AGMO: variants seen among roughly 807,000 people sequenced by gnomAD.
AGMO encodes the protein glyceryl-ether monooxygenase.
Under a neutral mutation model 60.2 loss-of-function variants are expected in AGMO, and 75 were observed. That is an observed-to-expected ratio of 1.25 (90% CI 1.03 to 1.51). The LOEUF (loss-of-function observed/expected upper bound fraction) is 1.51, where lower values mean the gene tolerates loss of function less well. AGMO is among the 40% of genes most tolerant of loss of function. The probability of loss-of-function intolerance (pLI) is 0.00; values close to 1 mark genes in which losing one functional copy is unlikely to be tolerated. For missense variants in AGMO, 763 were observed against 525.5 expected (o/e 1.45, Z -4.42); for synonymous variants, 261 against 177.1 (o/e 1.47, Z -3.76).
intron 12 of AGMO, among the ~76,000 whole-genome samples, chr7:15,317,956 A>G (rs5027978): frequency 1.6e-5 from 1 of 63,988 alleles, no homozygotes; most frequent in African/African-American, 3.6e-5. Context: ...CACACACACT[A>G]TATATATATA....
intron 12 of AGMO, among the ~76,000 whole-genome samples, chr7:15,268,109 CT>C (rs1403248334): frequency 6.6e-6 from 1 of 151,890 alleles, no homozygotes; most frequent in Non-Finnish European, 1.5e-5. Context: ...AATTCTGAAT[CT>C]GTAATTGATA....
At chr7:15,337,256 T>A (rs979417687) in intron 12 of AGMO, among the ~76,000 whole-genome samples, 12 of 152,308 alleles carry the variant, frequency 7.9e-5, no homozygotes, top group African/African-American at 2.4e-4. Context: ...AAGACTGGAA[T>A]AATGCAGGAA....
intron 12 of AGMO, among the ~76,000 whole-genome samples, chr7:15,237,261 T>A (rs1292574393): frequency 1.3e-5 from 2 of 152,136 alleles, no homozygotes; most frequent in African/African-American, 4.8e-5. Context: ...TATATGTTCT[T>A]TCTTCTTTGG....
At chr7:15,241,446 T>G (rs1384792908) in intron 12 of AGMO, among the ~76,000 whole-genome samples, 2 of 107,182 alleles carry the variant, frequency 1.9e-5, no homozygotes, top group Non-Finnish European at 3.4e-5. Context: ...GGCGAAAGAG[T>G]GAGACTCCGT....
chr7:15,132,254 T>C, the AGMO span, among the ~76,000 whole-genome samples: 10 of 152,314 alleles, frequency 6.6e-5, no homozygotes, highest in African/African-American at 2.4e-4. Context: ...CAACAACTTA[T>C]TGTTAGCATT....
intron 12 of AGMO, among the ~76,000 whole-genome samples, chr7:15,210,831 G>A (rs961562155): frequency 6.6e-6 from 1 of 151,896 alleles, no homozygotes; most frequent in South Asian, 2.1e-4. Context: ...TTTTAAATTA[G>A]ACCCTTTCAA....
At chr7:15,390,773 T>A (rs776820280) in intron 7 of AGMO, 23 bp from the exon 8 acceptor site, 14 of 1,597,506 alleles carry the variant, frequency 8.8e-6, no homozygotes, top group East Asian at 6.7e-5. Flanking sequence ...TATAAAGATA[T>A]GAGATTTGGC....
At chr7:15,558,185 A>G (rs1225065170) in intron 2 of AGMO, among the ~76,000 whole-genome samples, 1 of 152,044 alleles carries the variant, frequency 6.6e-6, no homozygotes, top group Non-Finnish European at 1.5e-5. Flanking sequence ...CAATGTTATG[A>G]TAAGAGAACA....
intron 3 of AGMO, among the ~76,000 whole-genome samples, chr7:15,506,497 T>A (rs1783516058): frequency 6.6e-6 from 1 of 152,034 alleles, no homozygotes; most frequent in Admixed American, 6.6e-5. Flanking sequence ...GGACAATTAC[T>A]CCCTGATAGA....
intron 3 of AGMO, among the ~76,000 whole-genome samples, chr7:15,442,609 C>A (rs548341611): frequency 6.6e-6 from 1 of 151,960 alleles, no homozygotes; most frequent in Admixed American, 6.6e-5. Flanking sequence ...GTTTTTTGAT[C>A]TTATAGTGAT....
chr7:15,355,541 A>T (rs1241402942), intron 12 of AGMO, among the ~76,000 whole-genome samples: 6 of 150,994 alleles, frequency 4.0e-5, no homozygotes, highest in Non-Finnish European at 8.8e-5. Context: ...AAGATCATGG[A>T]ATTAATTCAA....
At chr7:15,161,206 A>T in the AGMO span, among the ~76,000 whole-genome samples, 2 of 152,182 alleles carry the variant, frequency 1.3e-5, no homozygotes, top group African/African-American at 4.8e-5. Context: ...AAATCACAAG[A>T]GATTCATATT....
chr7:15,308,353 C>T (rs1476800901), intron 12 of AGMO, among the ~76,000 whole-genome samples: 1 of 151,980 alleles, frequency 6.6e-6, no homozygotes, highest in Non-Finnish European at 1.5e-5. Context: ...CTTACCCCCA[C>T]ACTTCTTTTT....
intron 12 of AGMO, among the ~76,000 whole-genome samples, chr7:15,225,734 C>G (rs1006868487): frequency 6.6e-6 from 1 of 151,842 alleles, no homozygotes; most frequent in Non-Finnish European, 1.5e-5. Flanking sequence ...TCATTTCTTG[C>G]TCATAAGATT....
In AGMO at chr7:15,500,500, A is replaced by AGT. The variant is rs3076840; in HGVS notation, c.409+44270_409+44271dup. ...AGTATCGATTCATGTGCTGTATATG[A>AGT]GTGTGTGTGTGTGTACATTTTTTGA... On this transcript the variant is annotated intron_variant, in intron 3 of 12. Coordinates refer to ENST00000342526, the MANE Select transcript of AGMO (RefSeq NM_001004320.2). Among the ~76,000 whole-genome samples the AGT allele has an allele frequency of 7.4e-3, 1,120 of 151,526 alleles. 12 individuals carry two copies. The highest frequency in any genetic ancestry group is 0.025 in the African/African-American group (1,020 of 41,386).
At chr7:15,281,154 A>G (rs770067230) in intron 12 of AGMO, among the ~76,000 whole-genome samples, 15 of 152,070 alleles carry the variant, frequency 9.9e-5, no homozygotes, top group Admixed American at 2.6e-4. Context: ...AGAACTTTCC[A>G]CAGGTGGAAA....
intron 12 of AGMO, among the ~76,000 whole-genome samples, chr7:15,314,041 T>G (rs1453806959): frequency 6.6e-6 from 1 of 151,988 alleles, no homozygotes; most frequent in African/African-American, 2.4e-5. Context: ...ATCAGCTGCT[T>G]TCCGGTGATC....
intron 12 of AGMO, among the ~76,000 whole-genome samples, chr7:15,218,564 A>G (rs1331293082): frequency 6.6e-6 from 1 of 151,614 alleles, no homozygotes; most frequent in African/African-American, 2.4e-5. Flanking sequence ...AAATCTTAAA[A>G]TATATTAACT....
At chr7:15,308,828 A>G (rs946694506) in intron 12 of AGMO, among the ~76,000 whole-genome samples, 1 of 152,184 alleles carries the variant, frequency 6.6e-6, no homozygotes, top group African/African-American at 2.4e-5. Flanking sequence ...GTGGATAAAG[A>G]AACAAAGTTT....
Sources: allele counts gnomAD v4.1 joint callset (sites outside exome capture counted in the v4.1 genomes callset), GRCh38; gene constraint gnomAD v4.1.1; transcripts MANE v1.5; gene names NCBI Gene and HGNC (gene_info 2026-07-23, HGNC 2026-07-21).